Variants in CYFIP2 observed in about 807,000 individuals in gnomAD.
CYFIP2 encodes the protein cytoplasmic FMR1 interacting protein 2.
Under a neutral mutation model 158.7 loss-of-function variants are expected in CYFIP2, and 29 were observed. That is an observed-to-expected ratio of 0.18 (90% confidence interval 0.14 to 0.25). The LOEUF (loss-of-function observed/expected upper bound fraction) is 0.25. CYFIP2 is among the 10% of genes least tolerant of loss of function. The probability of loss-of-function intolerance (pLI) is 1.00; values close to 1 mark genes in which losing one functional copy is unlikely to be tolerated. For synonymous variants in CYFIP2, 585 were observed against 617.6 expected, an observed-to-expected ratio of 0.95 and a Z score of 0.78; for missense variants, 852 against 1,639.5, an observed-to-expected ratio of 0.52 and a Z score of 8.29.
chr5:157,274,674 T>C (rs559036718), intron 1 of CYFIP2, among the ~76,000 whole-genome samples: 1 of 152,342 alleles, frequency 6.6e-6, no homozygotes, highest in East Asian at 1.9e-4. Context: ...TGCGGCACCA[T>C]CTTACATTCC....
chr5:157,388,163 C>T (rs535857460), intron 28 of CYFIP2, among the ~76,000 whole-genome samples: 4 of 152,268 alleles, frequency 2.6e-5, no homozygotes, highest in African/African-American at 9.6e-5. Flanking sequence ...ATTTGGAGAC[C>T]TTACTTTAAC....
At chr5:157,274,468 A>T (rs1053169694) in intron 1 of CYFIP2, among the ~76,000 whole-genome samples, 2 of 152,132 alleles carry the variant, frequency 1.3e-5, no homozygotes, top group African/African-American at 4.8e-5. Flanking sequence ...ACAATTTTTT[A>T]TTTATCAGTT....
chr5:157,343,415 G>A, intron 23 of CYFIP2: 1 of 1,614,190 alleles, frequency 6.2e-7, no homozygotes, highest in Non-Finnish European at 8.5e-7. Flanking sequence ...AAGATAGCCA[G>A]AGAAGATGCT....
chr5:157,346,854 A>G (rs765651106), intron 23 of CYFIP2, among the ~76,000 whole-genome samples: 1 of 152,182 alleles, frequency 6.6e-6, no homozygotes, highest in South Asian at 2.1e-4. Context: ...CCTGGATTGA[A>G]TCATCCCCAG....
chr5:157,285,570 G>T, intron 2 of CYFIP2, 92 bp downstream of exon 2: 1 of 1,134,566 alleles, frequency 8.8e-7, no homozygotes. Flanking sequence ...GGGGAGGTCT[G>T]CATCTAGAAG....
chr5:157,360,788 TG>T (rs1402558945), intron 25 of CYFIP2, among the ~76,000 whole-genome samples: 1 of 152,198 alleles, frequency 6.6e-6, no homozygotes, highest in Non-Finnish European at 1.5e-5. Context: ...ACATCTTTGC[TG>T]TTTGACCGCT....
At chr5:157,362,041 G>C (rs1465813682) in intron 26 of CYFIP2, among the ~76,000 whole-genome samples, 1 of 152,236 alleles carries the variant, frequency 6.6e-6, no homozygotes, top group Non-Finnish European at 1.5e-5. Context: ...ATAAGTCATT[G>C]TATGGAGGTT....
At chr5:157,342,819 G>C (rs779332505) in intron 23 of CYFIP2, 4 of 1,551,862 alleles carry the variant, frequency 2.6e-6, no homozygotes. Context: ...CTACTGTGTG[G>C]AAAGCTTTAG....
intron 26 of CYFIP2, among the ~76,000 whole-genome samples, chr5:157,367,778 A>G (rs503843): frequency 0.53 from 76,252 of 142,622 alleles, 21,130 homozygotes; most frequent in African/African-American, 0.61. Context: ...TTTTTAAGAC[A>G]GAGTCTCACT....
At position 157,383,615 on chromosome 5, in the gene CYFIP2, T is replaced by C. The variant is rs1039764828; in HGVS notation, c.3207+256T>C. 7.9e-6 allele frequency: 3 copies of C among 380,498 alleles called. No individual in the cohort carries two copies. The East Asian group carries it at 1.3e-4, about 16-fold the overall frequency. The allele number at this position is 380,498 out of a possible 1,614,324, so 23.6% of individuals were successfully genotyped here. A position where few individuals can be genotyped will look rare whatever the true frequency, so the allele number is the denominator to read the frequency against. ...AGTCGTCTGCTTATTTAAACAAGTA[T>C]CTACTGTGTCCCTGGTAGATATCAA... On this transcript the variant is annotated intron_variant, in intron 28 of 30. Transcript: ENST00000620254.
intron 15 of CYFIP2, 113 bp downstream of exon 15, chr5:157,320,915 G>A (rs1341073542): frequency 4.5e-6 from 6 of 1,324,644 alleles, no homozygotes; most frequent in Middle Eastern, 2.7e-4. Context: ...GTCAGGAGGG[G>A]CAGGGTTGAG....
chr5:157,391,828 T>TTTAACTTTTTAG (rs1056120227), intron 30 of CYFIP2, among the ~76,000 whole-genome samples: 1 of 133,888 alleles, frequency 7.5e-6, no homozygotes, highest in Non-Finnish European at 1.6e-5. Context: ...TAATTCTATG[T>TTTAACTTTTTAG]TTAACTTTTT....
At position 157,315,081 on chromosome 5, in the gene CYFIP2, T is replaced by A; in HGVS notation, c.1343T>A (p.Phe448Tyr). 1 of 1,613,642 alleles carries A rather than the reference T, an allele frequency of 6.2e-7. No homozygotes were observed. Among genetic ancestry groups the A allele is most frequent in the Non-Finnish European group, 8.5e-7 (1 of 1,179,802 alleles). Reference protein sequence around the residue: ...TRYNYTSEEKFAFVEVIAMIK... With the variant: ...TRYNYTSEEKYAFVEVIAMIK... ...TACAATTACACCAGTGAGGAAAAAT[T>A]TGCCTTCGTTGAGGTAGGTGCAGAC... Residue 448 changes from phenylalanine (F) to tyrosine (Y), a missense_variant, in exon 13 of 31, where the codon TTT becomes TAT. Physicochemically the swap from Phe to Tyr is conservative, Grantham distance 22. Transcript: ENST00000620254.
intron 26 of CYFIP2, chr5:157,376,118 C>CT (rs72545381): frequency 0.34 from 51,875 of 152,158 alleles, 9,930 homozygotes; most frequent in East Asian, 0.85. Context: ...CCTGCCCCTC[C>CT]TCTCAGGCCC....
At chr5:157,355,013 G>GT (rs1763319723) in intron 23 of CYFIP2, among the ~76,000 whole-genome samples, 1 of 152,058 alleles carries the variant, frequency 6.6e-6, no homozygotes, top group African/African-American at 2.4e-5. Context: ...GAGGGAGCAC[G>GT]TCTATCCCCA....
In CYFIP2 at chr5:157,288,035, G is replaced by A. The variant is rs147432533; in HGVS notation, c.207+927G>A. Reference sequence around the variant, plus strand: ...TTGAGCCCAGGAGGTTGAGGCTGCAGTGAGCCATGATCGTATCACTGCATT... The same window carrying A: ...TTGAGCCCAGGAGGTTGAGGCTGCAATGAGCCATGATCGTATCACTGCATT... On this transcript the variant is annotated intron_variant, in intron 3 of 30. Coordinates refer to ENST00000620254, the MANE Select transcript of CYFIP2 (RefSeq NM_001037333.3). 2.0e-5 allele frequency among the ~76,000 whole-genome samples: 3 copies of A among 152,308 alleles called. No homozygotes were observed. In the East Asian group the frequency reaches 5.8e-4, roughly 29 times the overall value.
chr5:157,388,238 G>C (rs1045711836), intron 28 of CYFIP2, among the ~76,000 whole-genome samples: 1 of 152,078 alleles, frequency 6.6e-6, no homozygotes, highest in Non-Finnish European at 1.5e-5. Context: ...TACATGTTTT[G>C]ACTCATAACA....
intron 1 of CYFIP2, among the ~76,000 whole-genome samples, chr5:157,273,903 G>A (rs553384349): frequency 6.6e-6 from 1 of 152,178 alleles, no homozygotes; most frequent in African/African-American, 2.4e-5. Flanking sequence ...GGGAGGTCAA[G>A]GTGGGTGGAT....
chr5:157,318,172 C>T (rs1262795492), intron 13 of CYFIP2, among the ~76,000 whole-genome samples: 1 of 152,092 alleles, frequency 6.6e-6, no homozygotes, highest in African/African-American at 2.4e-5. Context: ...AGTGACTTTG[C>T]CTTTTCATTT....
Sources: allele counts gnomAD v4.1 joint callset (sites outside exome capture counted in the v4.1 genomes callset), GRCh38; gene constraint gnomAD v4.1.1; transcripts MANE v1.5; gene names NCBI Gene and HGNC (gene_info 2026-07-23, HGNC 2026-07-21).